The following SLC38A8 variants were observed in gnomAD, a reference collection of about 807,000 sequenced individuals.
The protein encoded by SLC38A8 is solute carrier family 38 member 8, also known as amino acid transporter SLC38A8.
SLC38A8 carries 65 observed loss-of-function variants against 46.0 expected under a neutral mutation model. That is an observed-to-expected ratio of 1.41 (90% CI 1.16 to 1.74). SLC38A8 has a LOEUF of 1.74. Ranked by LOEUF, SLC38A8 falls within the 40% of genes most tolerant of loss-of-function variation. SLC38A8 has a pLI of 0.00. For synonymous variants in SLC38A8, 447 were observed against 243.7 expected, an observed-to-expected ratio of 1.83 and a Z score of -7.77; for missense variants, 998 against 567.9, an observed-to-expected ratio of 1.76 and a Z score of -7.70.
chr16:84,040,851 A>G lies in SLC38A8; in HGVS notation c.189+1118T>C, dbSNP rs116339666. 1.2e-3 allele frequency among the ~76,000 whole-genome samples: 187 copies of G among 152,288 alleles called. 1 individual carries two copies. Among genetic ancestry groups the G allele is most frequent in the African/African-American group, 4.2e-3 (176 of 41,556 alleles). On this transcript the variant is annotated intron_variant, in intron 2 of 10. Coordinates refer to ENST00000299709, the MANE Select transcript of SLC38A8 (RefSeq NM_001080442.3). ...TGCATCTTGTCTGACTTCCCATTAAAACAAAGCTCCATGAGGACAGGGACC... is the reference window on the plus strand; with the variant it reads ...TGCATCTTGTCTGACTTCCCATTAAGACAAAGCTCCATGAGGACAGGGACC...
chr16:84,039,421 A>G (rs1360350368), intron 2 of SLC38A8, among the ~76,000 whole-genome samples: 1 of 152,138 alleles, frequency 6.6e-6, no homozygotes, highest in African/African-American at 2.4e-5. Context: ...GGGCCTGACA[A>G]ATGCAGACAC....
chr16:84,020,381 A>T (rs1230345305), intron 7 of SLC38A8, among the ~76,000 whole-genome samples: 1 of 152,104 alleles, frequency 6.6e-6, no homozygotes, highest in Non-Finnish European at 1.5e-5. Context: ...CCTGGCCTCA[A>T]GCAGTCCTTT....
At chr16:84,020,336 G>A (rs1453470847) in intron 7 of SLC38A8, among the ~76,000 whole-genome samples, 2 of 152,220 alleles carry the variant, frequency 1.3e-5, no homozygotes, top group East Asian at 1.9e-4. Context: ...TGTAGAGACA[G>A]GGTCTCACTA....
chr16:84,029,213 T>C (rs1453526169), intron 6 of SLC38A8, among the ~76,000 whole-genome samples: 1 of 152,140 alleles, frequency 6.6e-6, no homozygotes, highest in Non-Finnish European at 1.5e-5. Flanking sequence ...CCCCACACTC[T>C]ACGCGAAACC....
chr16:84,036,256 A>G (rs1406776483), intron 3 of SLC38A8, among the ~76,000 whole-genome samples: 2 of 152,276 alleles, frequency 1.3e-5, no homozygotes, highest in Admixed American at 6.5e-5. Context: ...TCCAGTGAAA[A>G]TGAAAATAGG....
Position 84,036,676 on chromosome 16 carries a change from ACCCCGAGT to A in SLC38A8, c.388+18_388+25del, listed in dbSNP as rs1249573559. ...CATTAGAGGTCCGGCACCCTGGGCC[ACCCCGAGT>A]CCCATGAAGGTACTTACGCTTCTCC... is the stretch of plus-strand genomic sequence containing the variant. On this transcript the variant is annotated intron_variant, in intron 3 of 10. Transcript: ENST00000299709. 1 of 1,613,158 alleles carries A rather than the reference ACCCCGAGT, an allele frequency of 6.2e-7. No individual in the cohort carries two copies. Among genetic ancestry groups the A allele is most frequent in the East Asian group, 2.2e-5 (1 of 44,868 alleles).
intron 4 of SLC38A8, among the ~76,000 whole-genome samples, chr16:84,032,471 C>T (rs943167663): frequency 1.3e-5 from 2 of 152,152 alleles, no homozygotes; most frequent in Non-Finnish European, 2.9e-5. Context: ...ACAGGTGTGA[C>T]GCCCAGCCCA....
intron 4 of SLC38A8, among the ~76,000 whole-genome samples, chr16:84,032,982 G>A (rs1406203398): frequency 7.1e-6 from 1 of 140,096 alleles, no homozygotes; most frequent in African/African-American, 2.7e-5. Context: ...GGGGGTGTGG[G>A]TAGGTGGGTG....
At chr16:84,021,908 G>T (rs2085100612) in intron 7 of SLC38A8, among the ~76,000 whole-genome samples, 1 of 152,216 alleles carries the variant, frequency 6.6e-6, no homozygotes, top group South Asian at 2.1e-4. Context: ...GTGTCACATG[G>T]CAAGGGGGCT....
At chr16:84,012,495 C>G (rs1228880388) in intron 10 of SLC38A8, among the ~76,000 whole-genome samples, 1 of 152,220 alleles carries the variant, frequency 6.6e-6, no homozygotes, top group African/African-American at 2.4e-5. Context: ...TCTGTCCTCA[C>G]TAGCATCCGG....
intron 9 of SLC38A8, among the ~76,000 whole-genome samples, chr16:84,013,951 A>G (rs180857820): frequency 1.3e-5 from 2 of 151,754 alleles, no homozygotes; most frequent in African/African-American, 4.8e-5. Flanking sequence ...CCACAGCCTC[A>G]CCTCTGAGAA....
At position 84,016,721 on chromosome 16, in the gene SLC38A8, C is replaced by T. The variant is rs570034694; in HGVS notation, c.960G>A (p.Val320=). ...YPIVLFLGRS[V]MQDFWRRSCL... is the part of the protein sequence containing the mutation. ...AGCTCCTCCTCCAGAAGTCCTGCAT[C>T]ACTGACCTGGAGGCCACAGCCAACA... Residue 320 remains valine (V), a synonymous_variant, in exon 9 of 11, where the codon GTG becomes GTA. Coordinates refer to ENST00000299709, the MANE Select transcript of SLC38A8 (RefSeq NM_001080442.3). 922 of 1,612,124 alleles carry T rather than the reference C, an allele frequency of 5.7e-4. 10 individuals carry two copies. The African/African-American group carries it at 0.011, about 20-fold the overall frequency.
At chr16:84,014,833 T>C (rs1174153567) in intron 9 of SLC38A8, among the ~76,000 whole-genome samples, 3 of 152,230 alleles carry the variant, frequency 2.0e-5, no homozygotes, top group Non-Finnish European at 4.4e-5. Flanking sequence ...TTGGCCTCTT[T>C]GATAACCAAC....
At chr16:84,020,631 T>G (rs2085084563) in intron 7 of SLC38A8, among the ~76,000 whole-genome samples, 1 of 152,192 alleles carries the variant, frequency 6.6e-6, no homozygotes, top group Non-Finnish European at 1.5e-5. Flanking sequence ...AGGATCTCTG[T>G]GCCAGGGTCC....
At position 84,022,894 on chromosome 16, in the gene SLC38A8, A is replaced by G. The variant is rs1320814931; in HGVS notation, c.691-5T>C. The stretch of plus-strand genomic sequence containing the variant: ...GGAGACGGCAGCTTCGTGACACTGT[A>G]AGACAGAGGGCGGCTCAGCAGGATG... On this transcript the variant is annotated splice_region_variant and splice_polypyrimidine_tract_variant and intron_variant, in intron 6 of 10. Transcript: ENST00000299709. The G allele has an allele frequency of 1.9e-6, 3 of 1,586,590 alleles. No individual in the cohort carries two copies. Among genetic ancestry groups the G allele is most frequent in the Non-Finnish European group, 8.6e-7 (1 of 1,168,586 alleles).
intron 6 of SLC38A8, among the ~76,000 whole-genome samples, chr16:84,027,560 G>C (rs977364199): frequency 6.6e-6 from 1 of 152,196 alleles, no homozygotes; most frequent in Non-Finnish European, 1.5e-5. Context: ...ATGACAGTAT[G>C]TGACCGTCCC....
intron 9 of SLC38A8, among the ~76,000 whole-genome samples, chr16:84,013,826 T>G (rs2084988500): frequency 6.6e-6 from 1 of 151,900 alleles, no homozygotes. Context: ...AAACCTGTCC[T>G]GGGCAGTCCT....
intron 8 of SLC38A8, 50 bp downstream of exon 8, chr16:84,017,090 C>T: frequency 6.2e-7 from 1 of 1,606,988 alleles, no homozygotes; most frequent in Non-Finnish European, 8.5e-7. Context: ...AATCACAGCA[C>T]ACATCAGCAG....
intron 6 of SLC38A8, 53 bp from the exon 7 acceptor site, chr16:84,022,942 A>C (rs1157056099): frequency 1.5e-6 from 2 of 1,370,178 alleles, no homozygotes; most frequent in East Asian, 5.1e-5. Context: ...GGAACAGGCG[A>C]TGCGAAAAAA....
Sources: allele counts gnomAD v4.1 joint callset (sites outside exome capture counted in the v4.1 genomes callset), GRCh38; gene constraint gnomAD v4.1.1; transcripts MANE v1.5; gene names NCBI Gene and HGNC (gene_info 2026-07-23, HGNC 2026-07-21).